Variants in CPLANE1 observed in about 807,000 individuals in gnomAD.
The protein encoded by CPLANE1 is ciliogenesis and planar polarity effector complex subunit 1, also known as ciliogenesis and planar polarity effector 1.
Under a neutral mutation model 362.5 loss-of-function variants are expected in CPLANE1, and 263 were observed. The observed-to-expected ratio is 0.73, with a 90% CI of 0.66 to 0.80. The LOEUF (loss-of-function observed/expected upper bound fraction) is 0.80, where lower values mean the gene tolerates loss of function less well. Among genes scored for constraint, CPLANE1 ranks in the 30% least tolerant of loss-of-function variants. The pLI, the probability that CPLANE1 is intolerant of heterozygous loss-of-function variation, is 0.00. For synonymous variants in CPLANE1, 1,212 were observed against 1,302.6 expected (o/e 0.93, Z 1.50); for missense variants, 3,461 against 3,793.4 (o/e 0.91, Z 2.30).
At chr5:37,102,212 G>C (rs548021010), downstream of CPLANE1, among the ~76,000 whole-genome samples, 5 of 152,042 alleles carry the variant, frequency 3.3e-5, no homozygotes, top group Admixed American at 6.5e-5. Flanking sequence ...TTTTGAGATG[G>C]AGTCTCGCTC....
intron 12 of CPLANE1, 73 bp from the exon 13 acceptor site, chr5:37,224,813 A>G (rs1254886408): frequency 9.3e-6 from 7 of 753,140 alleles, no homozygotes; most frequent in Middle Eastern, 8.9e-4. Context: ...TTTTTAGCCT[A>G]TTTTTTTTTT....
chr5:37,231,124 C>G, intron 8 of CPLANE1, 75 bp from the exon 9 acceptor site: 1 of 1,090,580 alleles, frequency 9.2e-7, no homozygotes, highest in Non-Finnish European at 1.2e-6. Context: ...TGGGCTGTAC[C>G]AAGCAGAGGT....
intron 50 of CPLANE1, among the ~76,000 whole-genome samples, chr5:37,116,070 T>C (rs1028607428): frequency 6.6e-6 from 1 of 151,882 alleles, no homozygotes; most frequent in African/African-American, 2.4e-5. Flanking sequence ...GAAGATTGCT[T>C]GAGCCCAGGA....
chr5:37,244,144 C>G (rs1238843351), intron 5 of CPLANE1, among the ~76,000 whole-genome samples: 1 of 152,034 alleles, frequency 6.6e-6, no homozygotes, highest in African/African-American at 2.4e-5. Context: ...GCCACCGCGC[C>G]CGGCATAACA....
At chr5:37,088,872 A>G in the CPLANE1 span, among the ~76,000 whole-genome samples, 1 of 152,170 alleles carries the variant, frequency 6.6e-6, no homozygotes, top group Non-Finnish European at 1.5e-5. Context: ...AAAGGAATTA[A>G]TGTGCTCACC....
At chr5:37,082,211 AT>A in the CPLANE1 span, among the ~76,000 whole-genome samples, 7 of 152,328 alleles carry the variant, frequency 4.6e-5, no homozygotes, top group Admixed American at 1.3e-4. Context: ...CATTTTTCAA[AT>A]ACTGAAATAA....
intron 7 of CPLANE1, among the ~76,000 whole-genome samples, chr5:37,239,329 C>T (rs1169966205): frequency 6.6e-6 from 1 of 151,920 alleles, no homozygotes; most frequent in African/African-American, 2.4e-5. Context: ...ACCTGTAATC[C>T]CAGCACTTTG....
intron 28 of CPLANE1, 64 bp downstream of exon 28, chr5:37,179,953 A>C: frequency 8.9e-7 from 1 of 1,121,208 alleles, no homozygotes; most frequent in South Asian, 1.6e-5. Context: ...GTTACCTCAG[A>C]TAATATTATT....
chr5:37,138,740 T>C lies in CPLANE1; in HGVS notation c.8772A>G (p.Glu2924=). 1 of 1,611,966 alleles carries C rather than the reference T, an allele frequency of 6.2e-7. No homozygotes were observed. The highest frequency in any genetic ancestry group is 8.5e-7 in the Non-Finnish European group (1 of 1,179,332). ...GVSSEELGLT[E]QAMGTSRIQH... Reference sequence around the variant, plus strand: ...ATTACCTGGAGGTGCCCATAGCTTGTTCTGTTAAGCCAAGTTCTTCACTGG... The same window carrying C: ...ATTACCTGGAGGTGCCCATAGCTTGCTCTGTTAAGCCAAGTTCTTCACTGG... The change falls in exon 46 of 53, where the codon GAA becomes GAG. Residue 2924 remains glutamate, a synonymous_variant. Transcript: ENST00000651892.
chr5:37,087,290 T>C, the CPLANE1 span, among the ~76,000 whole-genome samples: 1 of 152,124 alleles, frequency 6.6e-6, no homozygotes, highest in Non-Finnish European at 1.5e-5. Context: ...TTTGGTCCCA[T>C]TATACACAGA....
chr5:37,187,915 G>T, intron 21 of CPLANE1, 73 bp from the exon 22 acceptor site: 3 of 971,078 alleles, frequency 3.1e-6, no homozygotes, highest in African/African-American at 1.7e-5. Context: ...CTCCAACTCT[G>T]CTGATCATTT....
chr5:37,229,525 C>T (rs146817894), intron 9 of CPLANE1, among the ~76,000 whole-genome samples: 1 of 144,696 alleles, frequency 6.9e-6, no homozygotes, highest in Admixed American at 7.0e-5. Context: ...GGGGACAGAG[C>T]GAGACTCTGT....
intron 49 of CPLANE1, 88 bp downstream of exon 49, chr5:37,121,529 G>T: frequency 1.7e-6 from 2 of 1,176,052 alleles, no homozygotes; most frequent in Non-Finnish European, 2.5e-6. Context: ...AAATGCAAAT[G>T]CACTGAACTT....
chr5:37,077,938 G>A, the CPLANE1 span, among the ~76,000 whole-genome samples: 1 of 151,846 alleles, frequency 6.6e-6, no homozygotes, highest in Non-Finnish European at 1.5e-5. Flanking sequence ...TTGTAGAGAT[G>A]GGATCTCCCT....
chr5:37,245,262 T>G (rs1195807072), intron 4 of CPLANE1, among the ~76,000 whole-genome samples: 1 of 144,062 alleles, frequency 6.9e-6, no homozygotes, highest in Non-Finnish European at 1.5e-5. Context: ...CTTCTTCAAG[T>G]TGAGTCTCAG....
intron 8 of CPLANE1, among the ~76,000 whole-genome samples, chr5:37,235,675 C>T (rs1440787545): frequency 6.8e-6 from 1 of 146,712 alleles, no homozygotes; most frequent in Non-Finnish European, 1.5e-5. Flanking sequence ...CAGGTTCAAG[C>T]GATTCTCCTG....
In CPLANE1 at chr5:37,122,429, C is replaced by T. The variant is rs863225154; in HGVS notation, c.9017+1G>A. ...CACAGGGTTACAGCTACCAAACTCA[C>T]CTGTCTTTTTCATGCTTCATCTTTT... On this transcript the variant is annotated splice_donor_variant, in intron 48 of 52. Transcript: ENST00000651892. LOFTEE classifies it high-confidence loss of function. The T allele has an allele frequency of 3.1e-6, 5 of 1,612,600 alleles. No individual in the cohort carries two copies. In the Admixed American group the frequency reaches 5.0e-5, roughly 16 times the overall value.
At chr5:37,144,106 A>G (rs368977774) in intron 43 of CPLANE1, among the ~76,000 whole-genome samples, 10 of 151,850 alleles carry the variant, frequency 6.6e-5, no homozygotes, top group Admixed American at 2.0e-4. Context: ...CTACTCCAAT[A>G]TAAGGTAAAT....
At chr5:37,139,889 G>A in intron 44 of CPLANE1, 6 of 985,494 alleles carry the variant, frequency 6.1e-6, no homozygotes, top group Non-Finnish European at 7.2e-6. Context: ...AGTACTCAGT[G>A]TAATATGTCA....
Sources: allele counts gnomAD v4.1 joint callset (sites outside exome capture counted in the v4.1 genomes callset), GRCh38; gene constraint gnomAD v4.1.1; transcripts MANE v1.5; gene names NCBI Gene and HGNC (gene_info 2026-07-23, HGNC 2026-07-21).